Variants in TM9SF3 observed in about 807,000 individuals in gnomAD.
The protein encoded by TM9SF3 is SM-11044-binding protein.
A neutral mutation model predicts 78.6 loss-of-function variants in TM9SF3; 14 were observed. That is an observed-to-expected ratio of 0.18 (90% CI 0.12 to 0.28). The LOEUF (loss-of-function observed/expected upper bound fraction) is 0.28. Ranked by LOEUF, TM9SF3 falls within the 10% of genes least tolerant of loss-of-function variation. TM9SF3 has a pLI of 1.00. For synonymous variants in TM9SF3, 231 were observed against 241.7 expected (o/e 0.96, Z 0.41); for missense variants, 496 against 721.9 (o/e 0.69, Z 3.59).
chr10:96,559,853 A>C, intron 4 of TM9SF3, 117 bp from the exon 5 acceptor site: 1 of 588,056 alleles, frequency 1.7e-6, no homozygotes, highest in African/African-American at 1.9e-5. Flanking sequence ...TCACTAGAGA[A>C]ATGGAGGAAA....
intron 4 of TM9SF3, chr10:96,560,110 C>T (rs895091759): frequency 2.1e-5 from 14 of 662,346 alleles, no homozygotes; most frequent in East Asian, 1.4e-4. Flanking sequence ...TTCTGTCCTG[C>T]GTGGCTGTTC....
At position 96,525,492 on chromosome 10, in the gene TM9SF3, C is replaced by G. The variant is rs186803016; in HGVS notation, c.1702+1721G>C. Among the ~76,000 whole-genome samples the G allele has an allele frequency of 1.3e-4, 20 of 152,082 alleles. 1 individual carries two copies. In the East Asian group the frequency reaches 3.5e-3, roughly 26 times the overall value. On this transcript the variant is annotated intron_variant, in intron 14 of 14. Coordinates refer to ENST00000371142, the MANE Select transcript of TM9SF3 (RefSeq NM_020123.4). ...ACATACATAGTGTATATGAACTGAA[C>G]AGGCTCTTTTGATGGAGAAACAAAG... is the stretch of plus-strand genomic sequence containing the variant.
chr10:96,538,083 A>G (rs1295923919), intron 9 of TM9SF3, among the ~76,000 whole-genome samples: 1 of 152,248 alleles, frequency 6.6e-6, no homozygotes, highest in African/African-American at 2.4e-5. Context: ...AGAAAAGCCA[A>G]AACAACTTTG....
Position 96,559,732 on chromosome 10 carries a change from T to G in TM9SF3, c.587A>C (p.Lys196Thr), listed in dbSNP as rs1031070245. The change falls in exon 5 of 15, where the codon AAA (lysine) becomes ACA (threonine). Residue 196 changes from lysine (K) to threonine (T), a missense_variant. This residue lies in a region of TM9SF3 where 155 missense variants were observed against 241.6 expected (regional missense o/e 0.64). Coordinates refer to ENST00000371142, the MANE Select transcript of TM9SF3 (RefSeq NM_020123.4). ...AAATTTCACATCTGACTTTTTCCAT[T>G]TTACCTAAAAAAAATTTTTTCATTT... is the stretch of plus-strand genomic sequence containing the variant. ...NTKIQMSYSV[K>T]WKKSDVKFED... The G allele has an allele frequency of 5.1e-6, 8 of 1,564,244 alleles. No individual in the cohort carries two copies. The highest frequency in any genetic ancestry group is 6.9e-6 in the Non-Finnish European group (8 of 1,151,686).
At chr10:96,533,955 T>C (rs575112041) in intron 9 of TM9SF3, among the ~76,000 whole-genome samples, 1 of 152,316 alleles carries the variant, frequency 6.6e-6, no homozygotes, top group South Asian at 2.1e-4. Context: ...TAAGATCATT[T>C]CACTCTGAAC....
chr10:96,560,382 T>C (rs1206071034), intron 4 of TM9SF3: 10 of 738,064 alleles, frequency 1.4e-5, no homozygotes, highest in Non-Finnish European at 2.5e-5. Context: ...AGGCAATGAA[T>C]TATGAAGGCA....
chr10:96,562,184 TTAAAATATCCTACAAGCTAAATGCTCA>T (rs1848316340), intron 3 of TM9SF3, 46 bp from the exon 4 acceptor site: 2 of 1,401,672 alleles, frequency 1.4e-6, no homozygotes, highest in Non-Finnish European at 1.9e-6. Context: ...CACTTAATAT[TTAAAATATCCTACAAGCTAAATGCTCA>T]TTAAGTTTTT....
At chr10:96,532,684 A>G (rs981484416) in intron 10 of TM9SF3, among the ~76,000 whole-genome samples, 2 of 152,214 alleles carry the variant, frequency 1.3e-5, no homozygotes, top group Non-Finnish European at 2.9e-5. Context: ...GCAGCCACAG[A>G]GAATATGTAA....
intron 14 of TM9SF3, 95 bp downstream of exon 14, chr10:96,527,118 C>T (rs1847847073): frequency 9.3e-7 from 1 of 1,071,524 alleles, no homozygotes; most frequent in African/African-American, 1.6e-5. Context: ...TCTGATCAAA[C>T]AACAGATAAA....
intron 1 of TM9SF3, 38 bp from the exon 2 acceptor site, chr10:96,576,867 AAC>A (rs1554948892): frequency 5.6e-6 from 8 of 1,434,398 alleles, no homozygotes; most frequent in Non-Finnish European, 6.4e-6. Flanking sequence ...AAAAAAAAAA[AAC>A]ACACTAATTC....
At chr10:96,548,182 T>A (rs538618256) in intron 7 of TM9SF3, among the ~76,000 whole-genome samples, 193 bp from the exon 8 acceptor site, 2 of 152,336 alleles carry the variant, frequency 1.3e-5, no homozygotes, top group South Asian at 4.1e-4. Flanking sequence ...TGCATTTACA[T>A]GATACCTGGC....
intron 7 of TM9SF3, among the ~76,000 whole-genome samples, chr10:96,550,935 A>G (rs1017388426): frequency 1.7e-4 from 26 of 151,990 alleles, no homozygotes; most frequent in African/African-American, 3.1e-4. Flanking sequence ...CAACTTTAGG[A>G]AAAAAAAGGC....
intron 14 of TM9SF3, among the ~76,000 whole-genome samples, chr10:96,523,117 T>C (rs940952197): frequency 1.3e-5 from 2 of 151,876 alleles, no homozygotes; most frequent in Admixed American, 1.3e-4. Flanking sequence ...AAATATAGGT[T>C]GGTGCAAAAG....
intron 2 of TM9SF3, 63 bp downstream of exon 2, chr10:96,576,571 C>A: frequency 6.9e-7 from 1 of 1,453,336 alleles, no homozygotes; most frequent in Non-Finnish European, 9.2e-7. Flanking sequence ...TCAATAGTGC[C>A]AAAATATGAA....
rs567301439 is a variant in TM9SF3 at position 96,524,278 on chromosome 10, A to C, written c.1703-1948T>G. Among the ~76,000 whole-genome samples the C allele has an allele frequency of 9.2e-5, 14 of 152,040 alleles. No homozygotes were observed. In the South Asian group the frequency reaches 2.3e-3, roughly 25 times the overall value. Reference sequence around the variant, plus strand: ...TTATAATAGGAAATAACAATATTACATTTTAAAATATTGATAATGCATTTT... The same window carrying C: ...TTATAATAGGAAATAACAATATTACCTTTTAAAATATTGATAATGCATTTT... On this transcript the variant is annotated intron_variant, in intron 14 of 14. Transcript: ENST00000371142.
intron 2 of TM9SF3, among the ~76,000 whole-genome samples, chr10:96,565,855 C>CTGA (rs1219209813): frequency 1.3e-5 from 2 of 152,004 alleles, no homozygotes; most frequent in African/African-American, 4.8e-5. Context: ...GAGATAAACA[C>CTGA]TGATTTTAAC....
At chr10:96,584,493 T>C (rs2134164594) in intron 1 of TM9SF3, among the ~76,000 whole-genome samples, 1 of 152,330 alleles carries the variant, frequency 6.6e-6, no homozygotes, top group Middle Eastern at 3.4e-3. Context: ...ATAACTGTTT[T>C]TGTTTTTGTT....
chr10:96,537,410 T>C (rs1442361058), intron 9 of TM9SF3, among the ~76,000 whole-genome samples: 1 of 152,194 alleles, frequency 6.6e-6, no homozygotes, highest in Admixed American at 6.5e-5. Context: ...GGCTATACCA[T>C]CTAGGTTTGT....
chr10:96,555,049 CTTCCT>C (rs935003364), intron 5 of TM9SF3, among the ~76,000 whole-genome samples: 6 of 151,814 alleles, frequency 4.0e-5, no homozygotes, highest in African/African-American at 1.2e-4. Context: ...GGTCTCTCCC[CTTCCT>C]TTCAATTTAT....
Sources: allele counts gnomAD v4.1 joint callset (sites outside exome capture counted in the v4.1 genomes callset), GRCh38; gene constraint gnomAD v4.1.1; regional missense constraint gnomAD v4.1.1; transcripts MANE v1.5; gene names NCBI Gene and HGNC (gene_info 2026-07-23, HGNC 2026-07-21).